GRM8: variants seen among roughly 807,000 people sequenced by gnomAD.
GRM8 encodes the protein metabotropic glutamate receptor 8.
Under a neutral mutation model 87.2 loss-of-function variants are expected in GRM8, and 47 were observed. The ratio of observed to expected loss-of-function variants is 0.54; its 90% CI spans 0.43 to 0.69. The LOEUF is 0.69. Ranked by LOEUF, GRM8 falls within the 30% of genes least tolerant of loss-of-function variation. GRM8 has a pLI of 0.00. For missense variants in GRM8, 1,019 were observed against 1,139.2 expected, an observed-to-expected ratio of 0.89 and a Z score of 1.52; for synonymous variants, 396 against 404.5, an observed-to-expected ratio of 0.98 and a Z score of 0.25.
intron 3 of GRM8, among the ~76,000 whole-genome samples, chr7:127,097,087 T>C (rs575822579): frequency 6.6e-6 from 1 of 152,206 alleles, no homozygotes; most frequent in South Asian, 2.1e-4. Context: ...TATTGGGGGA[T>C]CTTTCCACTA....
chr7:127,180,624 A>G (rs1347512328), intron 2 of GRM8, among the ~76,000 whole-genome samples: 1 of 152,086 alleles, frequency 6.6e-6, no homozygotes, highest in Admixed American at 6.6e-5. Flanking sequence ...ACCGAATCCA[A>G]CAACATACCA....
At chr7:126,667,273 C>T (rs1805875306) in intron 7 of GRM8, among the ~76,000 whole-genome samples, 1 of 152,150 alleles carries the variant, frequency 6.6e-6, no homozygotes, top group African/African-American at 2.4e-5. Context: ...TAATATGATA[C>T]TTGAATAGTT....
At chr7:126,988,258 C>T (rs1289900605) in intron 3 of GRM8, among the ~76,000 whole-genome samples, 1 of 152,198 alleles carries the variant, frequency 6.6e-6, no homozygotes, top group Non-Finnish European at 1.5e-5. Flanking sequence ...ATCAAAAGAA[C>T]TTGTCAGTTA....
chr7:126,917,155 T>C (rs1268658584), intron 3 of GRM8, among the ~76,000 whole-genome samples: 1 of 152,146 alleles, frequency 6.6e-6, no homozygotes, highest in African/African-American at 2.4e-5. Context: ...TTTTTGTTTT[T>C]TGTGGAGATA....
intron 1 of GRM8, among the ~76,000 whole-genome samples, chr7:127,248,414 GC>G (rs1489954764): frequency 6.6e-6 from 1 of 152,190 alleles, no homozygotes; most frequent in Admixed American, 6.5e-5. Flanking sequence ...CTTACTCCAT[GC>G]CCCATGGGGG....
intron 9 of GRM8, among the ~76,000 whole-genome samples, chr7:126,463,892 A>T (rs566320869): frequency 2.0e-5 from 3 of 151,774 alleles, no homozygotes; most frequent in Admixed American, 2.0e-4. Context: ...AAAAAAAATA[A>T]CTACAAATTT....
intron 7 of GRM8, among the ~76,000 whole-genome samples, chr7:126,670,108 T>G (rs1806228786): frequency 6.6e-6 from 1 of 152,202 alleles, no homozygotes; most frequent in Non-Finnish European, 1.5e-5. Context: ...CTTTAAAATT[T>G]CTGAGTCATT....
At chr7:127,001,032 A>G (rs1259228736) in intron 3 of GRM8, among the ~76,000 whole-genome samples, 1 of 151,670 alleles carries the variant, frequency 6.6e-6, no homozygotes. Flanking sequence ...TCACAGAAAC[A>G]CTACAATAAT....
At chr7:126,957,555 C>T (rs1032755674) in intron 3 of GRM8, among the ~76,000 whole-genome samples, 1 of 152,224 alleles carries the variant, frequency 6.6e-6, no homozygotes, top group Admixed American at 6.5e-5. Context: ...CTGCTCCCAG[C>T]ACCGGCTCGA....
chr7:126,535,444 T>C (rs1381004482), intron 8 of GRM8, among the ~76,000 whole-genome samples: 1 of 152,134 alleles, frequency 6.6e-6, no homozygotes, highest in Non-Finnish European at 1.5e-5. Flanking sequence ...CTGATGGTGG[T>C]TAGAAGAAAA....
Position 126,616,816 on chromosome 7 carries a change from A to G in GRM8, c.1358-7318T>C, listed in dbSNP as rs147817386. Among the ~76,000 whole-genome samples the G allele has an allele frequency of 5.1e-3, 781 of 152,296 alleles. 7 individuals carry two copies. The highest frequency in any genetic ancestry group is 0.018 in the African/African-American group (746 of 41,548). On this transcript the variant is annotated intron_variant, in intron 7 of 10. Transcript: ENST00000339582. Reference sequence around the variant, plus strand: ...TCCTCGACACATACACCCTCCCAAGACTAAACCAAGAAGAACTTGAATCCC... The same window carrying G: ...TCCTCGACACATACACCCTCCCAAGGCTAAACCAAGAAGAACTTGAATCCC...
At chr7:126,480,815 A>G (rs1303027831) in intron 9 of GRM8, among the ~76,000 whole-genome samples, 2 of 152,096 alleles carry the variant, frequency 1.3e-5, no homozygotes, top group Non-Finnish European at 2.9e-5. Flanking sequence ...GAGAGCCTAG[A>G]GACAGTGACA....
In GRM8 at chr7:126,683,286, GC is replaced by G. The variant is rs553922964; in HGVS notation, c.1358-73789del. 3.3e-5 allele frequency among the ~76,000 whole-genome samples: 5 copies of G among 152,278 alleles called. No homozygotes were observed. In the South Asian group the frequency reaches 1.0e-3, roughly 32 times the overall value. ...CAAGGCCTTAGTTTAAATCTAACCA[GC>G]CTTACATTAACCTGGTCTGTCTGTG... is the stretch of plus-strand genomic sequence containing the variant. On this transcript the variant is annotated intron_variant, in intron 7 of 10. Coordinates refer to ENST00000339582, the MANE Select transcript of GRM8 (RefSeq NM_000845.3).
intron 7 of GRM8, among the ~76,000 whole-genome samples, chr7:126,737,428 A>C (rs1814362286): frequency 6.6e-6 from 1 of 151,914 alleles, no homozygotes; most frequent in South Asian, 2.1e-4. Flanking sequence ...TGATCCCCGA[A>C]TGCTCAGAGA....
chr7:127,178,381 G>T (rs911917513), intron 2 of GRM8, among the ~76,000 whole-genome samples: 2 of 152,100 alleles, frequency 1.3e-5, no homozygotes, highest in Non-Finnish European at 2.9e-5. Context: ...AAGAATAATT[G>T]GTGTTCCTGA....
chr7:127,244,961 G>C (rs1460400925), intron 1 of GRM8, among the ~76,000 whole-genome samples: 1 of 152,126 alleles, frequency 6.6e-6, no homozygotes, highest in Non-Finnish European at 1.5e-5. Flanking sequence ...CACACATTAA[G>C]CCTTAGATTT....
intron 3 of GRM8, among the ~76,000 whole-genome samples, chr7:126,997,928 TA>T (rs1303154849): frequency 6.6e-6 from 1 of 151,914 alleles, no homozygotes; most frequent in Non-Finnish European, 1.5e-5. Flanking sequence ...ATTCATTCTA[TA>T]AATCCAGTAT....
At chr7:127,114,343 A>G (rs923048482) in intron 2 of GRM8, among the ~76,000 whole-genome samples, 2 of 152,192 alleles carry the variant, frequency 1.3e-5, no homozygotes, top group African/African-American at 4.8e-5. Flanking sequence ...GAGAGCCAGG[A>G]GTACACTATA....
intron 6 of GRM8, among the ~76,000 whole-genome samples, chr7:126,888,804 T>C (rs577167644): frequency 5.9e-5 from 9 of 152,182 alleles, no homozygotes; most frequent in Non-Finnish European, 1.3e-4. Flanking sequence ...GCATGAACCA[T>C]GAACAAAAGG....
Sources: gnomAD v4.1 joint callset for allele counts (sites outside exome capture counted in the v4.1 genomes callset) on GRCh38, gnomAD v4.1.1 for gene constraint, MANE v1.5 for transcripts, NCBI Gene and HGNC (gene_info 2026-07-23, HGNC 2026-07-21) for gene names.